The following RAB11FIP4 variants were observed in gnomAD, a reference collection of about 807,000 sequenced individuals.
The protein encoded by RAB11FIP4 is RAB11 family interacting protein 4, also known as rab11 family-interacting protein 4.
A neutral mutation model predicts 74.3 loss-of-function variants in RAB11FIP4; 23 were observed. The observed-to-expected ratio is 0.31, with a 90% CI of 0.22 to 0.44. The LOEUF (loss-of-function observed/expected upper bound fraction) is 0.44. Ranked by LOEUF, RAB11FIP4 falls within the 20% of genes least tolerant of loss-of-function variation. The pLI, the probability that RAB11FIP4 is intolerant of heterozygous loss-of-function variation, is 1.00. For synonymous variants in RAB11FIP4, 360 were observed against 359.9 expected (o/e 1.00, Z 0.00); for missense variants, 630 against 863.9 (o/e 0.73, Z 3.39).
intron 1 of RAB11FIP4, among the ~76,000 whole-genome samples, chr17:31,395,136 A>G (rs1472546220): frequency 6.6e-6 from 1 of 152,200 alleles, no homozygotes; most frequent in Non-Finnish European, 1.5e-5. Context: ...TACCAGGGAT[A>G]CCAGGATCAA....
At chr17:31,429,487 A>G (rs553120669) in intron 1 of RAB11FIP4, among the ~76,000 whole-genome samples, 1 of 152,316 alleles carries the variant, frequency 6.6e-6, no homozygotes, top group South Asian at 2.1e-4. Flanking sequence ...CTGCCCAGCC[A>G]ATGAGCTGCC....
At chr17:31,413,702 C>T (rs892651832) in intron 1 of RAB11FIP4, among the ~76,000 whole-genome samples, 13 of 152,158 alleles carry the variant, frequency 8.5e-5, no homozygotes, top group African/African-American at 3.1e-4. Context: ...ATCTCCCAAG[C>T]CCTCTGGGCT....
At chr17:31,471,893 T>C (rs2071740649) in intron 3 of RAB11FIP4, among the ~76,000 whole-genome samples, 1 of 152,004 alleles carries the variant, frequency 6.6e-6, no homozygotes, top group Non-Finnish European at 1.5e-5. Context: ...CCGGGCGCAG[T>C]GGCTCACGCC....
chr17:31,457,100 G>A (rs2071586343), intron 3 of RAB11FIP4, among the ~76,000 whole-genome samples: 1 of 152,158 alleles, frequency 6.6e-6, no homozygotes, highest in Admixed American at 6.6e-5. Context: ...GAGTTGCTCA[G>A]GTGAGGGTGG....
intron 3 of RAB11FIP4, among the ~76,000 whole-genome samples, chr17:31,498,080 G>C (rs1264025012): frequency 2.0e-5 from 3 of 152,082 alleles, no homozygotes; most frequent in Non-Finnish European, 4.4e-5. Context: ...TGCTGGAAGG[G>C]GCTTTGCGAG....
At chr17:31,501,019 CT>C (rs1450838089) in intron 3 of RAB11FIP4, among the ~76,000 whole-genome samples, 2 of 110,110 alleles carry the variant, frequency 1.8e-5, no homozygotes, top group East Asian at 6.4e-4. Flanking sequence ...GAGACTCCAT[CT>C]CAAAAAAAAA....
At chr17:31,505,389 G>A (rs8075333) in intron 3 of RAB11FIP4, among the ~76,000 whole-genome samples, 9,310 of 117,292 alleles carry the variant, frequency 0.079, 1,281 homozygotes, top group African/African-American at 0.29. Context: ...TATTCCATCA[G>A]TAATAATAAT....
At chr17:31,452,660 G>A (rs2071537426) in intron 3 of RAB11FIP4, among the ~76,000 whole-genome samples, 1 of 152,142 alleles carries the variant, frequency 6.6e-6, no homozygotes, top group Admixed American at 6.5e-5. Flanking sequence ...AGAGCCAGAG[G>A]GGTCCCTTCA....
At chr17:31,522,087 G>T (rs1053459148) in intron 6 of RAB11FIP4, 38 bp downstream of exon 6, 4 of 1,613,036 alleles carry the variant, frequency 2.5e-6, no homozygotes, top group African/African-American at 2.7e-5. Flanking sequence ...AGAGGCCGGG[G>T]GGCCAGGGCA....
At chr17:31,523,711 A>G in intron 8 of RAB11FIP4, 100 bp downstream of exon 8, 1 of 1,246,472 alleles carries the variant, frequency 8.0e-7, no homozygotes, top group Non-Finnish European at 1.2e-6. Flanking sequence ...GAGACCCTGT[A>G]CCTGCCTAGG....
At chr17:31,471,669 G>A (rs558821577) in intron 3 of RAB11FIP4, among the ~76,000 whole-genome samples, 75 of 152,206 alleles carry the variant, frequency 4.9e-4, no homozygotes, top group African/African-American at 1.6e-3. Flanking sequence ...AGAGGTGCTG[G>A]GGGACAGTCT....
At position 31,481,421 on chromosome 17, in the gene RAB11FIP4, A is replaced by T. The variant is rs115883641; in HGVS notation, c.337-36230A>T. Reference sequence around the variant, plus strand: ...GTCCACTCCTGAAAAAGGGCAGTCCACTCCTACAAAGCTTCTAGCTGAGTT... The same window carrying T: ...GTCCACTCCTGAAAAAGGGCAGTCCTCTCCTACAAAGCTTCTAGCTGAGTT... On this transcript the variant is annotated intron_variant, in intron 3 of 14. Transcript: ENST00000621161. 7.1e-3 allele frequency among the ~76,000 whole-genome samples: 1,085 copies of T among 152,154 alleles called. 16 individuals carry two copies. Among genetic ancestry groups the T allele is most frequent in the African/African-American group, 0.025 (1,040 of 41,504 alleles).
chr17:31,457,880 C>T (rs1001647424), intron 3 of RAB11FIP4, among the ~76,000 whole-genome samples: 2 of 152,156 alleles, frequency 1.3e-5, no homozygotes, highest in African/African-American at 2.4e-5. Flanking sequence ...TCTGTCTCTT[C>T]TCTCTATCTG....
At chr17:31,442,237 G>A (rs2071413299) in intron 3 of RAB11FIP4, among the ~76,000 whole-genome samples, 2 of 152,088 alleles carry the variant, frequency 1.3e-5, no homozygotes, top group Admixed American at 6.6e-5. Context: ...CTGACCTCGT[G>A]ATCCACCTGC....
chr17:31,420,205 A>G (rs750938052), intron 1 of RAB11FIP4, among the ~76,000 whole-genome samples: 42 of 152,092 alleles, frequency 2.8e-4, no homozygotes, highest in Non-Finnish European at 4.4e-4. Context: ...TTAGCCTTTT[A>G]AAGGATGTAA....
chr17:31,421,098 A>C (rs2071194805), intron 1 of RAB11FIP4, among the ~76,000 whole-genome samples: 2 of 152,180 alleles, frequency 1.3e-5, no homozygotes, highest in East Asian at 3.8e-4. Flanking sequence ...CAAACAAACA[A>C]ACAAAAAGAT....
At chr17:31,412,607 C>T (rs148176991) in intron 1 of RAB11FIP4, among the ~76,000 whole-genome samples, 87 of 152,332 alleles carry the variant, frequency 5.7e-4, no homozygotes, top group Middle Eastern at 3.4e-3. Flanking sequence ...ATCACAGGGA[C>T]CACGGATAGG....
intron 3 of RAB11FIP4, among the ~76,000 whole-genome samples, chr17:31,478,281 C>T (rs1396244175): frequency 6.6e-6 from 1 of 152,208 alleles, no homozygotes; most frequent in Non-Finnish European, 1.5e-5. Context: ...GCATGAGCCA[C>T]CGTGCCTGGC....
intron 3 of RAB11FIP4, among the ~76,000 whole-genome samples, chr17:31,452,430 G>T (rs2071535169): frequency 6.6e-6 from 1 of 152,182 alleles, no homozygotes; most frequent in Admixed American, 6.5e-5. Flanking sequence ...GGGGTGCCTG[G>T]ATTCTCTGAG....
Sources: gnomAD v4.1 joint callset for allele counts (sites outside exome capture counted in the v4.1 genomes callset) on GRCh38, gnomAD v4.1.1 for gene constraint, MANE v1.5 for transcripts, NCBI Gene and HGNC (gene_info 2026-07-23, HGNC 2026-07-21) for gene names.